Variants in MTCL3 observed in about 807,000 individuals in gnomAD.
MTCL3 encodes the protein MTCL family member 3.
chr6:127,476,093 G>C, the MTCL3 span: 1 of 1,614,060 alleles, frequency 6.2e-7, no homozygotes, highest in East Asian at 2.2e-5. The surrounding 1 kb of genome is among the most constrained non-coding windows in gnomAD (Gnocchi z 4.4). Context: ...TGCTGCCGCA[G>C]CTCCGACAGG....
chr6:127,486,919 CAT>C, the MTCL3 span, among the ~76,000 whole-genome samples: 1 of 152,050 alleles, frequency 6.6e-6, no homozygotes, highest in African/African-American at 2.4e-5. Flanking sequence ...TACCAAAAGA[CAT>C]ATTATGCATA....
chr6:127,505,183 A>C, the MTCL3 span, among the ~76,000 whole-genome samples: 1 of 152,236 alleles, frequency 6.6e-6, no homozygotes, highest in Non-Finnish European at 1.5e-5. Context: ...TAATTTCTAC[A>C]GCGCTAACAC....
At chr6:127,477,435 C>A in the MTCL3 span, among the ~76,000 whole-genome samples, 1 of 152,190 alleles carries the variant, frequency 6.6e-6, no homozygotes, top group Admixed American at 6.5e-5. Flanking sequence ...TCTCAAAATT[C>A]TCTTTTAAGT....
chr6:127,512,841 T>C, the MTCL3 span: 1 of 1,522,486 alleles, frequency 6.6e-7, no homozygotes, highest in Non-Finnish European at 8.8e-7. Context: ...GGGATTCTTT[T>C]TTAAAGGGCT....
the MTCL3 span, among the ~76,000 whole-genome samples, chr6:127,503,804 C>T: frequency 2.6e-5 from 4 of 152,300 alleles, no homozygotes; most frequent in Admixed American, 2.6e-4. Context: ...TACCCATCTA[C>T]TTCCTTTTCA....
the MTCL3 span, among the ~76,000 whole-genome samples, chr6:127,483,142 A>C: frequency 3.3e-5 from 5 of 152,202 alleles, no homozygotes; most frequent in Admixed American, 1.3e-4. Flanking sequence ...AACCAGATAG[A>C]TTTAGATATA....
the MTCL3 span, among the ~76,000 whole-genome samples, chr6:127,506,643 C>CGATCTT: frequency 5.9e-3 from 903 of 152,186 alleles, 13 homozygotes; most frequent in African/African-American, 0.021. Flanking sequence ...AGTGCAGTGG[C>CGATCTT]GATCTTGGCT....
At chr6:127,479,554 T>G in the MTCL3 span, among the ~76,000 whole-genome samples, 51 of 152,312 alleles carry the variant, frequency 3.3e-4, no homozygotes, top group Middle Eastern at 3.4e-3. Flanking sequence ...AGGCACACAC[T>G]GAAGCAGAAT....
the MTCL3 span, among the ~76,000 whole-genome samples, chr6:127,483,485 T>C: frequency 1.3e-5 from 2 of 152,112 alleles, no homozygotes; most frequent in Non-Finnish European, 2.9e-5. Context: ...ACGTGCAAAA[T>C]GATAGGGCAT....
the MTCL3 span, among the ~76,000 whole-genome samples, chr6:127,480,759 AAAT>A: frequency 6.6e-6 from 1 of 152,202 alleles, no homozygotes; most frequent in Non-Finnish European, 1.5e-5. Context: ...TCAGTAATAC[AAAT>A]ATGTGGATCG....
the MTCL3 span, chr6:127,475,230 C>T: frequency 6.6e-7 from 1 of 1,507,660 alleles, no homozygotes; most frequent in Non-Finnish European, 8.9e-7. This position sits in a 1 kb window ranked among gnomAD's most constrained non-coding sequence, Gnocchi z 7.3. Context: ...AGACGCCCCC[C>T]AGGGACGCGG....
At chr6:127,496,447 A>G in the MTCL3 span, among the ~76,000 whole-genome samples, 1 of 152,214 alleles carries the variant, frequency 6.6e-6, no homozygotes, top group South Asian at 2.1e-4. Context: ...TAAGCTATCG[A>G]ATGTATGGCC....
the MTCL3 span, among the ~76,000 whole-genome samples, chr6:127,511,965 T>TC: frequency 1.3e-5 from 2 of 152,204 alleles, no homozygotes; most frequent in African/African-American, 4.8e-5. Flanking sequence ...ATTCTGCTTA[T>TC]CCAAGCAGAG....
the MTCL3 span, among the ~76,000 whole-genome samples, chr6:127,511,906 C>T: frequency 3.0e-4 from 45 of 152,110 alleles, no homozygotes; most frequent in Non-Finnish European, 6.5e-4. Context: ...ACAGCAATGA[C>T]AGGTGGGTAA....
the MTCL3 span, among the ~76,000 whole-genome samples, chr6:127,496,393 A>AT: frequency 1.4e-3 from 215 of 152,102 alleles, no homozygotes; most frequent in Admixed American, 3.7e-3. Flanking sequence ...ATCTGAGAAA[A>AT]TTTTTTTTTA....
chr6:127,497,868 G>C, the MTCL3 span, among the ~76,000 whole-genome samples: 3 of 151,940 alleles, frequency 2.0e-5, no homozygotes, highest in Non-Finnish European at 4.4e-5. Context: ...TTCGACAAAC[G>C]GTGCTGGGGC....
the MTCL3 span, among the ~76,000 whole-genome samples, chr6:127,502,906 G>T: frequency 6.6e-6 from 1 of 152,198 alleles, no homozygotes. Context: ...AAGTGAGATA[G>T]AATTGACAGA....
the MTCL3 span, among the ~76,000 whole-genome samples, chr6:127,490,874 G>A: frequency 3.3e-5 from 5 of 152,098 alleles, no homozygotes; most frequent in East Asian, 9.6e-4. Context: ...TGATTGATTG[G>A]AGACGGTCAA....
the MTCL3 span, among the ~76,000 whole-genome samples, chr6:127,478,797 T>G: frequency 6.6e-6 from 1 of 151,918 alleles, no homozygotes; most frequent in Non-Finnish European, 1.5e-5. Flanking sequence ...GGTGGGTGGA[T>G]CACAAGGTCA....
Sources: allele counts gnomAD v4.1 joint callset (sites outside exome capture counted in the v4.1 genomes callset), GRCh38; gene constraint gnomAD v4.1.1; non-coding constraint Gnocchi (gnomAD v3.1); transcripts MANE v1.5; gene names NCBI Gene and HGNC (gene_info 2026-07-23, HGNC 2026-07-21).